The following CAT variants were observed in gnomAD, a reference collection of about 807,000 sequenced individuals.
The protein encoded by CAT is epididymis secretory sperm binding protein.
A neutral mutation model predicts 59.0 loss-of-function variants in CAT; 43 were observed. The ratio of observed to expected loss-of-function variants is 0.73; its 90% CI spans 0.57 to 0.94. CAT has a LOEUF of 0.94. CAT is among the 40% of genes least tolerant of loss of function. The pLI, the probability that CAT is intolerant of heterozygous loss-of-function variation, is 0.00. For missense variants in CAT, 664 were observed against 682.9 expected (o/e 0.97, Z 0.31); for synonymous variants, 218 against 230.9 (o/e 0.94, Z 0.51).
At chr11:34,467,014 G>A (rs1471301350) in intron 10 of CAT, among the ~76,000 whole-genome samples, 1 of 152,000 alleles carries the variant, frequency 6.6e-6, no homozygotes, top group Non-Finnish European at 1.5e-5. Flanking sequence ...GAGTCATAGT[G>A]AAAAATTAGA....
intron 12 of CAT, among the ~76,000 whole-genome samples, 151 bp from the exon 13 acceptor site, chr11:34,471,215 CAT>C (rs1437443195): frequency 3.0e-4 from 46 of 152,366 alleles, no homozygotes; most frequent in African/African-American, 1.0e-3. Context: ...TGGCAAAACA[CAT>C]ACTCTTCATT....
chr11:34,461,229 T>C, intron 8 of CAT, 22 bp from the exon 9 acceptor site: 1 of 1,613,644 alleles, frequency 6.2e-7, no homozygotes, highest in Non-Finnish European at 8.5e-7. Flanking sequence ...CTAGTCAGTG[T>C]CTATTGTATT....
At chr11:34,460,768 T>C (rs959837130) in intron 8 of CAT, 31 of 243,272 alleles carry the variant, frequency 1.3e-4, no homozygotes, top group African/African-American at 7.0e-4. Flanking sequence ...AAGTGCTTAT[T>C]TGAAGAATTT....
At chr11:34,442,401 A>G (rs1856401505) in intron 1 of CAT, among the ~76,000 whole-genome samples, 1 of 152,174 alleles carries the variant, frequency 6.6e-6, no homozygotes, top group African/African-American at 2.4e-5. Flanking sequence ...CAGGAGTTCA[A>G]AACTAGCCTG....
chr11:34,445,629 A>C (rs1221176634), intron 1 of CAT, among the ~76,000 whole-genome samples: 1 of 151,832 alleles, frequency 6.6e-6, no homozygotes, highest in African/African-American at 2.4e-5. Context: ...TAGAGAGAGC[A>C]GTTCAGGAGA....
intron 11 of CAT, 48 bp from the exon 12 acceptor site, chr11:34,470,910 T>G (rs1189785721): frequency 7.0e-7 from 1 of 1,434,700 alleles, no homozygotes; most frequent in African/African-American, 1.4e-5. Context: ...GGGAGTGATA[T>G]AGTAGGGAGT....
At chr11:34,447,865 A>G (rs1856477186) in intron 1 of CAT, among the ~76,000 whole-genome samples, 1 of 152,220 alleles carries the variant, frequency 6.6e-6, no homozygotes, top group Non-Finnish European at 1.5e-5. Context: ...GTAACTTACC[A>G]GCAGCTACAT....
intron 6 of CAT, among the ~76,000 whole-genome samples, chr11:34,454,397 A>G (rs1295121285): frequency 6.6e-6 from 1 of 152,220 alleles, no homozygotes; most frequent in Non-Finnish European, 1.5e-5. Context: ...TAAGCATGGC[A>G]TTTGTTACAA....
intron 3 of CAT, among the ~76,000 whole-genome samples, chr11:34,451,639 A>G (rs1203309672): frequency 3.9e-5 from 6 of 152,220 alleles, no homozygotes; most frequent in Admixed American, 1.3e-4. Flanking sequence ...CATTTTAAAA[A>G]TACTGTGGAA....
intron 8 of CAT, among the ~76,000 whole-genome samples, chr11:34,457,396 G>A (rs569514079): frequency 5.9e-5 from 9 of 151,656 alleles, no homozygotes; most frequent in Admixed American, 1.3e-4. Context: ...TAGTAGAGAC[G>A]GGGTTTCACC....
At chr11:34,450,786 C>G (rs890124064) in intron 2 of CAT, among the ~76,000 whole-genome samples, 1 of 152,224 alleles carries the variant, frequency 6.6e-6, no homozygotes, top group African/African-American at 2.4e-5. Flanking sequence ...TGGCATTCGA[C>G]TTAGCACTGA....
intron 10 of CAT, among the ~76,000 whole-genome samples, chr11:34,464,952 A>T (rs1856697057): frequency 6.6e-6 from 1 of 152,050 alleles, no homozygotes; most frequent in African/African-American, 2.4e-5. Context: ...AGGTTGCACC[A>T]TTGGCCTTGG....
chr11:34,439,044 C>T lies in CAT; in HGVS notation c.31C>T (p.Gln11Ter). ...TGACAGCCGGGATCCCGCCAGCGACCAGATGCAGCACTGGAAGGAGCAGCG... is the reference window on the plus strand; with the variant it reads ...TGACAGCCGGGATCCCGCCAGCGACTAGATGCAGCACTGGAAGGAGCAGCG... MADSRDPASD[Q>*]MQHWKEQRAA... The change falls in exon 1 of 13, where the codon CAG becomes TAG. Residue 11 changes from glutamine (Q) to a stop codon, truncating the protein, a stop_gained. Coordinates refer to ENST00000241052, the MANE Select transcript of CAT (RefSeq NM_001752.4). LOFTEE classifies it high-confidence loss of function. The T allele has an allele frequency of 6.3e-7, 1 of 1,599,904 alleles. No homozygotes were observed. The highest frequency in any genetic ancestry group is 8.5e-7 in the Non-Finnish European group (1 of 1,173,326).
chr11:34,443,767 A>G (rs1457213624), intron 1 of CAT, among the ~76,000 whole-genome samples: 2 of 152,184 alleles, frequency 1.3e-5, no homozygotes, highest in African/African-American at 4.8e-5. Flanking sequence ...TGAGTTGCCT[A>G]TGCATTATAG....
intron 8 of CAT, chr11:34,457,055 CA>C (rs1856599056): frequency 2.3e-5 from 12 of 527,058 alleles, no homozygotes; most frequent in Non-Finnish European, 4.1e-5. Flanking sequence ...TATGTGAAGA[CA>C]AGAATACTTA....
chr11:34,450,965 G>C, intron 2 of CAT, 23 bp from the exon 3 acceptor site: 1 of 1,488,388 alleles, frequency 6.7e-7, no homozygotes, highest in Admixed American at 1.7e-5. Context: ...TCATGGTAAG[G>C]ATTTCTGTGT....
In CAT at chr11:34,449,455, A is replaced by G. The variant is rs988035414; in HGVS notation, c.238+92A>G. Reference sequence around the variant, plus strand: ...AAAGGATTGGAAGACCTTTAACACAAGTGTCAAATCTCCATTTGTGGGAGA... The same window carrying G: ...AAAGGATTGGAAGACCTTTAACACAGGTGTCAAATCTCCATTTGTGGGAGA... On this transcript the variant is annotated intron_variant, in intron 2 of 12. Transcript: ENST00000241052. 3 of 1,093,394 alleles carry G rather than the reference A, an allele frequency of 2.7e-6. No homozygotes were observed. The African/African-American group carries it at 4.7e-5, about 17-fold the overall frequency. 67.7% of individuals were successfully genotyped at this position (1,093,394 alleles called of 1,614,324 possible).
intron 1 of CAT, among the ~76,000 whole-genome samples, chr11:34,446,599 A>T (rs530235162): frequency 6.6e-6 from 1 of 152,284 alleles, no homozygotes; most frequent in South Asian, 2.1e-4. Context: ...GGAACATGTG[A>T]TGTGCTCTCA....
intron 9 of CAT, 128 bp downstream of exon 9, chr11:34,461,517 G>A (rs1856651948): frequency 1.8e-6 from 2 of 1,122,374 alleles, no homozygotes; most frequent in African/African-American, 1.5e-5. Flanking sequence ...GTGCTCCCCA[G>A]GTGCTGCTAA....
Sources: allele counts gnomAD v4.1 joint callset (sites outside exome capture counted in the v4.1 genomes callset), GRCh38; gene constraint gnomAD v4.1.1; transcripts MANE v1.5; gene names NCBI Gene and HGNC (gene_info 2026-07-23, HGNC 2026-07-21).